The following GPC5 variants were observed in gnomAD, a reference collection of about 807,000 sequenced individuals.
The protein encoded by GPC5 is glypican 5, also known as glypican-5.
GPC5 carries 47 observed loss-of-function variants against 53.9 expected under a neutral mutation model. The ratio of observed to expected loss-of-function variants is 0.87; its 90% CI spans 0.69 to 1.11. GPC5 has a LOEUF of 1.11. Ranked by LOEUF, GPC5 falls within the 50% of genes most tolerant of loss-of-function variation. The probability of loss-of-function intolerance (pLI) is 0.00; values close to 1 mark genes in which losing one functional copy is unlikely to be tolerated. For synonymous variants in GPC5, 286 were observed against 263.3 expected, an observed-to-expected ratio of 1.09 and a Z score of -0.84; for missense variants, 748 against 713.1, an observed-to-expected ratio of 1.05 and a Z score of -0.56.
At chr13:92,381,885 T>TC (rs1184085823) in intron 7 of GPC5, among the ~76,000 whole-genome samples, 2 of 91,180 alleles carry the variant, frequency 2.2e-5, no homozygotes. Context: ...TATGATTATA[T>TC]ATATTATATA....
intron 6 of GPC5, among the ~76,000 whole-genome samples, chr13:91,969,341 CT>C (rs1245107841): frequency 2.6e-5 from 4 of 152,118 alleles, no homozygotes; most frequent in Non-Finnish European, 2.9e-5. Context: ...CTGACATTAT[CT>C]TTTTACAAAA....
chr13:92,272,363 C>T (rs537231377), intron 7 of GPC5, among the ~76,000 whole-genome samples: 3 of 152,236 alleles, frequency 2.0e-5, no homozygotes, highest in Admixed American at 6.5e-5. Flanking sequence ...TATCCACTAG[C>T]CATGAGGTAC....
intron 7 of GPC5, among the ~76,000 whole-genome samples, chr13:92,757,853 G>C (rs1874963196): frequency 6.6e-6 from 1 of 151,866 alleles, no homozygotes. Flanking sequence ...AGAGGATGTG[G>C]AGAAATAGGA....
intron 7 of GPC5, among the ~76,000 whole-genome samples, chr13:92,632,785 G>A (rs1885293771): frequency 6.6e-6 from 1 of 152,076 alleles, no homozygotes; most frequent in African/African-American, 2.4e-5. Context: ...TGGCTAGGGA[G>A]GCCTTACAAT....
At chr13:91,583,036 G>A (rs972781320) in intron 2 of GPC5, among the ~76,000 whole-genome samples, 1 of 151,968 alleles carries the variant, frequency 6.6e-6, no homozygotes, top group Admixed American at 6.6e-5. Context: ...TCTATTTATA[G>A]TAAAAACATT....
At chr13:92,186,162 A>G (rs1007756786) in intron 7 of GPC5, among the ~76,000 whole-genome samples, 1 of 152,136 alleles carries the variant, frequency 6.6e-6, no homozygotes, top group Admixed American at 6.5e-5. Flanking sequence ...ATCTTTTAAC[A>G]AAAGCATTCT....
chr13:91,571,979 A>ATGTATATATGTGTATATG (rs1416725752), intron 2 of GPC5, among the ~76,000 whole-genome samples: 1 of 133,776 alleles, frequency 7.5e-6, no homozygotes, highest in Non-Finnish European at 1.5e-5. Flanking sequence ...ATGTGTATAT[A>ATGTATATATGTGTATATG]TGTATATATG....
chr13:92,457,981 A>T (rs568520246), intron 7 of GPC5, among the ~76,000 whole-genome samples: 1 of 152,198 alleles, frequency 6.6e-6, no homozygotes, highest in East Asian at 1.9e-4. Flanking sequence ...CTGTTGCTAA[A>T]TTGAGGTAAT....
At chr13:91,897,741 TTTAA>T (rs1290925105) in intron 5 of GPC5, among the ~76,000 whole-genome samples, 3 of 152,188 alleles carry the variant, frequency 2.0e-5, no homozygotes, top group African/African-American at 7.2e-5. Flanking sequence ...TTAGAAAACA[TTTAA>T]TTAACTATCT....
At chr13:91,844,794 C>T (rs761880478) in intron 5 of GPC5, among the ~76,000 whole-genome samples, 5 of 152,168 alleles carry the variant, frequency 3.3e-5, no homozygotes, top group Non-Finnish European at 2.9e-5. Context: ...GGTGCTATCT[C>T]GGCTTGCTGC....
At chr13:92,452,373 C>T (rs147746758) in intron 7 of GPC5, among the ~76,000 whole-genome samples, 1 of 151,754 alleles carries the variant, frequency 6.6e-6, no homozygotes, top group South Asian at 2.1e-4. Context: ...TACTCAACAA[C>T]AAAAATAAGA....
intron 2 of GPC5, among the ~76,000 whole-genome samples, chr13:91,681,272 G>A (rs1446039463): frequency 6.6e-6 from 1 of 152,152 alleles, no homozygotes; most frequent in Non-Finnish European, 1.5e-5. Flanking sequence ...AGAGGAATGA[G>A]TGAAAGAAAC....
chr13:92,267,759 C>T (rs9516027), intron 7 of GPC5, among the ~76,000 whole-genome samples: 52,515 of 151,916 alleles, frequency 0.35, 9,744 homozygotes, highest in African/African-American at 0.48. Context: ...TGTTCATTTA[C>T]ACATTGTCAC....
intron 2 of GPC5, among the ~76,000 whole-genome samples, chr13:91,508,383 G>C (rs987757279): frequency 6.6e-6 from 1 of 152,154 alleles, no homozygotes; most frequent in African/African-American, 2.4e-5. Flanking sequence ...ATTGTTAGAC[G>C]AATAGTGGCA....
chr13:92,341,760 C>G (rs6492603), intron 7 of GPC5, among the ~76,000 whole-genome samples: 45,168 of 151,756 alleles, frequency 0.3, 6,934 homozygotes, highest in South Asian at 0.41. Flanking sequence ...CATAGTGAAA[C>G]TTATTAAAAT....
At chr13:92,371,149 C>T (rs2043647329) in intron 7 of GPC5, among the ~76,000 whole-genome samples, 1 of 152,140 alleles carries the variant, frequency 6.6e-6, no homozygotes, top group Non-Finnish European at 1.5e-5. Flanking sequence ...GACACCATGT[C>T]CAAAACCAAA....
chr13:92,398,851 C>A (rs371783705), intron 7 of GPC5, among the ~76,000 whole-genome samples: 1 of 152,098 alleles, frequency 6.6e-6, no homozygotes, highest in Non-Finnish European at 1.5e-5. Context: ...TGACTACATA[C>A]CCAGAAAATC....
At chr13:91,872,923 C>A (rs568575770) in intron 5 of GPC5, among the ~76,000 whole-genome samples, 1 of 152,098 alleles carries the variant, frequency 6.6e-6, no homozygotes, top group South Asian at 2.1e-4. Flanking sequence ...ACTTAAAAAA[C>A]CAGCAAATAA....
chr13:92,233,401 TG>T (rs1487140394), intron 7 of GPC5, among the ~76,000 whole-genome samples: 1 of 152,210 alleles, frequency 6.6e-6, no homozygotes, highest in African/African-American at 2.4e-5. Context: ...GGTCATCGGA[TG>T]GGGCTGACTT....
Sources: allele counts gnomAD v4.1 joint callset (sites outside exome capture counted in the v4.1 genomes callset), GRCh38; gene constraint gnomAD v4.1.1; transcripts MANE v1.5; gene names NCBI Gene and HGNC (gene_info 2026-07-23, HGNC 2026-07-21).